Variants in CHFR observed in about 807,000 individuals in gnomAD.
CHFR encodes the protein E3 ubiquitin-protein ligase CHFR.
A neutral mutation model predicts 87.6 loss-of-function variants in CHFR; 57 were observed. The observed-to-expected ratio is 0.65, with a 90% confidence interval of 0.53 to 0.81. CHFR has a LOEUF of 0.81. Ranked by LOEUF, CHFR falls within the 30% of genes least tolerant of loss-of-function variation. The probability of loss-of-function intolerance (pLI) is 0.00; values close to 1 mark genes in which losing one functional copy is unlikely to be tolerated. For missense variants in CHFR, 797 were observed against 865.8 expected (o/e 0.92, Z 1.00); for synonymous variants, 381 against 359.2 (o/e 1.06, Z -0.69).
intron 4 of CHFR, 74 bp from the exon 5 acceptor site, chr12:132,870,857 C>A: frequency 1.2e-6 from 1 of 851,736 alleles, no homozygotes; most frequent in East Asian, 2.5e-5. Flanking sequence ...CTCTTCTGTT[C>A]TCCAGTCCAT....
intron 14 of CHFR, chr12:132,847,381 G>T: frequency 8.0e-7 from 1 of 1,244,594 alleles, no homozygotes; most frequent in South Asian, 1.6e-5. Flanking sequence ...GTTCTGCCAA[G>T]ACCTACACAG....
intron 6 of CHFR, 137 bp from the exon 7 acceptor site, chr12:132,861,771 C>A (rs566176218): frequency 2.7e-5 from 20 of 730,744 alleles, no homozygotes; most frequent in Non-Finnish European, 3.8e-5. Context: ...AAGTGGCTTA[C>A]GAGGAGTGTG....
chr12:132,834,200 G>A lies in CHFR; in HGVS notation c.*7354C>T, dbSNP rs533516831. 3.9e-5 allele frequency: 6 copies of A among 152,438 alleles called. No individual in the cohort carries two copies. The highest frequency in any genetic ancestry group is 1.3e-4 in the Admixed American group (2 of 15,304). 9.4% of individuals were successfully genotyped at this position (152,438 alleles called of 1,614,324 possible). The stretch of plus-strand genomic sequence containing the variant: ...TGGAAACAGCTCTCTTTGACAACAT[G>A]AATCTGGGATGTTTGAACACCAAGT... On this transcript the variant is annotated 3_prime_UTR_variant, in exon 18 of 18. Coordinates refer to ENST00000450056, the MANE Select transcript of CHFR (RefSeq NM_001161346.2).
At chr12:132,859,903 G>A (rs999420069) in intron 7 of CHFR, among the ~76,000 whole-genome samples, 1 of 152,088 alleles carries the variant, frequency 6.6e-6, no homozygotes, top group African/African-American at 2.4e-5. Context: ...AAATTAGCCA[G>A]CTATGGTAGC....
chr12:132,880,722 G>A (rs189467243), intron 2 of CHFR, among the ~76,000 whole-genome samples: 17 of 150,314 alleles, frequency 1.1e-4, no homozygotes, highest in South Asian at 1.1e-3. Context: ...ATCTCAGCAC[G>A]TTGGGAGGCC....
rs199736176 is a variant in CHFR, at chr12:132,878,473, T to TA, written c.134-820dup. Among the ~76,000 whole-genome samples, 461 of 113,126 alleles carry TA rather than the reference T, an allele frequency of 4.1e-3. 8 individuals carry two copies. In the East Asian group the frequency reaches 0.07, roughly 17 times the overall value. The allele number at this position is 113,126 out of a possible 152,430, so 74.2% of individuals were successfully genotyped here. A position where few individuals can be genotyped will look rare whatever the true frequency, so the allele number is the denominator to read the frequency against. The stretch of plus-strand genomic sequence containing the variant: ...GACAGAGCTAGACTCCAACTGGAAA[T>TA]AAAAAAAAAAAAAAGCAATTTTACA... On this transcript the variant is annotated intron_variant, in intron 2 of 17. Transcript: ENST00000450056.
In CHFR at chr12:132,837,789, AGCC is replaced by A. The variant is rs1950659459; in HGVS notation, c.*3762_*3764del. ...AGACCCGGCTTCTCTACACGGCTGCAGCCGCCCTCAGAAGGCGCAGGAGCTAGC... is the reference window on the plus strand; with the variant it reads ...AGACCCGGCTTCTCTACACGGCTGCAGCCCTCAGAAGGCGCAGGAGCTAGC... On this transcript the variant is annotated 3_prime_UTR_variant, in exon 18 of 18. Coordinates refer to ENST00000450056, the MANE Select transcript of CHFR (RefSeq NM_001161346.2). The A allele has an allele frequency of 2.0e-5, 3 of 152,362 alleles. No homozygotes were observed. The highest frequency in any genetic ancestry group is 7.2e-5 in the African/African-American group (3 of 41,468). 9.4% of individuals were successfully genotyped at this position (152,362 alleles called of 1,614,324 possible).
chr12:132,842,028 T>C (rs1278636845), intron 17 of CHFR, among the ~76,000 whole-genome samples: 7 of 147,982 alleles, frequency 4.7e-5, no homozygotes, highest in Non-Finnish European at 1.0e-4. Flanking sequence ...AAGAATTGCT[T>C]GAACCTGGGA....
intron 2 of CHFR, chr12:132,882,881 G>C (rs945032352): frequency 8.5e-5 from 13 of 152,078 alleles, no homozygotes; most frequent in African/African-American, 2.7e-4. Context: ...AATTTTTTAA[G>C]TTTTTGTAGA....
chr12:132,839,805 G>T lies in CHFR; in HGVS notation c.*1749C>A. The T allele has an allele frequency of 6.0e-6, 1 of 166,088 alleles. No homozygotes were observed. The highest frequency in any genetic ancestry group is 9.8e-5 in the South Asian group (1 of 10,240). The allele number at this position is 166,088 out of a possible 1,614,324, so 10.3% of individuals were successfully genotyped here. On this transcript the variant is annotated 3_prime_UTR_variant, in exon 18 of 18. Transcript: ENST00000450056. ...TCGGCCTCACCCCTGCACTAACTAG[G>T]GACCTCCCCTCTCAGCCTCGCCCCT... is the stretch of plus-strand genomic sequence containing the variant.
chr12:132,873,109 G>A (rs543915355), intron 3 of CHFR, among the ~76,000 whole-genome samples: 35 of 152,232 alleles, frequency 2.3e-4, no homozygotes, highest in Middle Eastern at 3.4e-3. Flanking sequence ...AACGGCAACC[G>A]GGCAAAACGA....
intron 3 of CHFR, among the ~76,000 whole-genome samples, chr12:132,874,442 G>GGAAC: frequency 6.6e-6 from 1 of 150,758 alleles, no homozygotes; most frequent in East Asian, 2.0e-4. Flanking sequence ...GCCAGGTCCT[G>GGAAC]ATGTAGGCGG....
chr12:132,847,792 G>A (rs1950859772), intron 14 of CHFR: 6 of 1,292,172 alleles, frequency 4.6e-6, no homozygotes, highest in Non-Finnish European at 5.9e-6. Context: ...CTCACCGAGA[G>A]CTGTGGGAAC....
intron 3 of CHFR, among the ~76,000 whole-genome samples, chr12:132,874,585 G>GCA: frequency 7.4e-6 from 1 of 135,318 alleles, no homozygotes. Flanking sequence ...CACCCAGCGT[G>GCA]GGAAAGCCAG....
intron 6 of CHFR, among the ~76,000 whole-genome samples, chr12:132,868,194 G>C (rs1324169137): frequency 1.3e-5 from 2 of 152,146 alleles, no homozygotes; most frequent in Non-Finnish European, 2.9e-5. Context: ...CACGCTAAGT[G>C]AAAGAGCCCA....
intron 4 of CHFR, 48 bp downstream of exon 4, chr12:132,872,237 G>A (rs150540137): frequency 0.01 from 12,375 of 1,223,126 alleles, 201 homozygotes; most frequent in Middle Eastern, 0.048. Flanking sequence ...GCGCCCTCAC[G>A]TGCACCCCCG....
chr12:132,857,476 C>T lies in CHFR; in HGVS notation c.995G>A (p.Cys332Tyr), dbSNP rs1441931198. 1.2e-6 allele frequency: 2 copies of T among 1,614,196 alleles called. No homozygotes were observed. The highest frequency in any genetic ancestry group is 2.2e-5 in the East Asian group (1 of 44,884). Residue 332 changes from cysteine (C) to tyrosine (Y), a missense_variant, in exon 9 of 18, where the codon TGT becomes TAT. Around this residue, in one of 2 missense-constraint regions of CHFR, gnomAD observed 597 missense variants for 601.2 expected, o/e 0.99. Transcript: ENST00000450056. ...GTTTTTACAGATCCGCTCCACGGGA[C>T]AGCGGCAGGTAGGACACAGGGACGA... Reference protein sequence around the residue: ...ERSSLCPTCRCPVERICKNHI... With the variant: ...ERSSLCPTCRYPVERICKNHI...
In CHFR at chr12:132,847,068, G is replaced by A. The variant is rs1950846511; in HGVS notation, c.1710C>T (p.Leu570=). The A allele has an allele frequency of 6.2e-7, 1 of 1,613,514 alleles. No individual in the cohort carries two copies. The highest frequency in any genetic ancestry group is 1.3e-5 in the African/African-American group (1 of 74,898). The change falls in exon 15 of 18, where the codon CTC becomes CTT. Residue 570 remains leucine, a synonymous_variant. Transcript: ENST00000450056. ...KNMLTESLVA[L]QRGVFLLSDY... ...CAGACAGCAGAAACACTCCCCGCTGGAGAGCCACGAGGCTCTCGGTCAACA... is the reference window on the plus strand; with the variant it reads ...CAGACAGCAGAAACACTCCCCGCTGAAGAGCCACGAGGCTCTCGGTCAACA...
At position 132,842,990 on chromosome 12, in the gene CHFR, T is replaced by C. The variant is rs1197482655; in HGVS notation, c.1916+21A>G. 2.5e-6 allele frequency: 4 copies of C among 1,599,624 alleles called. No homozygotes were observed. In the African/African-American group the frequency reaches 5.3e-5, roughly 21 times the overall value. On this transcript the variant is annotated intron_variant, in intron 17 of 17. Coordinates refer to ENST00000450056, the MANE Select transcript of CHFR (RefSeq NM_001161346.2). Reference sequence around the variant, plus strand: ...CATTCATCACTCTGTAGCTGACGCCTGTGCCCCCAGCTGCACTCACATGGC... The same window carrying C: ...CATTCATCACTCTGTAGCTGACGCCCGTGCCCCCAGCTGCACTCACATGGC...
Sources: gnomAD v4.1 joint callset for allele counts (sites outside exome capture counted in the v4.1 genomes callset) on GRCh38, gnomAD v4.1.1 for gene constraint, gnomAD v4.1.1 regional missense constraint, MANE v1.5 for transcripts, NCBI Gene and HGNC (gene_info 2026-07-23, HGNC 2026-07-21) for gene names.